The following IGSF10 variants were observed in gnomAD, a reference collection of about 807,000 sequenced individuals.
The protein encoded by IGSF10 is immunoglobulin superfamily member 10, also known as calvaria mechanical force protein 608.
Under a neutral mutation model 128.2 loss-of-function variants are expected in IGSF10, and 126 were observed. The ratio of observed to expected loss-of-function variants is 0.98; its 90% confidence interval spans 0.85 to 1.14. The LOEUF is 1.14. Ranked by LOEUF, IGSF10 falls within the 50% of genes most tolerant of loss-of-function variation. The probability of loss-of-function intolerance (pLI) is 0.00; values close to 1 mark genes in which losing one functional copy is unlikely to be tolerated. For synonymous variants in IGSF10, 1,185 were observed against 1,146.2 expected, an observed-to-expected ratio of 1.03 and a Z score of -0.68; for missense variants, 3,295 against 3,149.8, an observed-to-expected ratio of 1.05 and a Z score of -1.10.
chr3:151,487,006 G>GAC, the IGSF10 span, among the ~76,000 whole-genome samples: 4 of 119,040 alleles, frequency 3.4e-5, no homozygotes, highest in Non-Finnish European at 6.9e-5. Flanking sequence ...GAAGGAGATA[G>GAC]ACATGAAATA....
In IGSF10 at chr3:151,448,838, G is replaced by C; in HGVS notation, c.1143C>G (p.Tyr381Ter). ...IQPVWQILAL[Y>*]SDSPLILERS... ...TTTCTAGTATCAGAGGAGAATCACT[G>C]TACAAAGCCAAAATTTGCCACACTG... Residue 381 changes from tyrosine (Y) to a stop codon, truncating the protein, a stop_gained, in exon 6 of 8, where the codon TAC becomes TAG. Transcript: ENST00000282466. LOFTEE classifies it high-confidence loss of function. 6.2e-7 allele frequency: 1 copy of C among 1,613,966 alleles called. No individual in the cohort carries two copies. The highest frequency in any genetic ancestry group is 8.5e-7 in the Non-Finnish European group (1 of 1,179,828).
chr3:151,490,519 T>TA, the IGSF10 span, among the ~76,000 whole-genome samples: 5 of 147,538 alleles, frequency 3.4e-5, no homozygotes, highest in Non-Finnish European at 7.5e-5. Flanking sequence ...TTTTTTTTTT[T>TA]ACCAAAAAGA....
the IGSF10 span, among the ~76,000 whole-genome samples, chr3:151,509,105 A>T: frequency 6.6e-6 from 1 of 152,298 alleles, no homozygotes; most frequent in East Asian, 1.9e-4. Flanking sequence ...ACCCTGGAAA[A>T]CACTCTTGAA....
At chr3:151,460,820 C>A (rs377766704) in intron 1 of IGSF10, 126 bp downstream of exon 1, 2 of 600,850 alleles carry the variant, frequency 3.3e-6, no homozygotes, top group Non-Finnish European at 4.2e-6. Flanking sequence ...TTCCCTCCCC[C>A]ACCCTCAGCC....
At position 151,457,162 on chromosome 3, in the gene IGSF10, TA is replaced by T; in HGVS notation, c.195-8del. ...TCTAACCAAGCTGTTGTATCTGAAA[TA>T]AAAAATGACATTCTAGGCATAAGCT... On this transcript the variant is annotated splice_region_variant and splice_polypyrimidine_tract_variant and intron_variant, in intron 3 of 7. Coordinates refer to ENST00000282466, the MANE Select transcript of IGSF10 (RefSeq NM_178822.5). 1 of 1,613,484 alleles carries T rather than the reference TA, an allele frequency of 6.2e-7. No homozygotes were observed. The highest frequency in any genetic ancestry group is 2.2e-5 in the East Asian group (1 of 44,880).
chr3:151,604,462 C>T, the IGSF10 span, among the ~76,000 whole-genome samples: 1 of 151,776 alleles, frequency 6.6e-6, no homozygotes, highest in Non-Finnish European at 1.5e-5. Flanking sequence ...TAATCTTAAA[C>T]TTGATAAGCC....
chr3:151,520,947 T>A, the IGSF10 span, among the ~76,000 whole-genome samples: 9 of 72,250 alleles, frequency 1.2e-4, no homozygotes, highest in African/African-American at 1.6e-4. Context: ...CAATCTGGAT[T>A]AAAAAAAAAG....
At chr3:151,482,307 G>A in the IGSF10 span, among the ~76,000 whole-genome samples, 1 of 152,194 alleles carries the variant, frequency 6.6e-6, no homozygotes, top group East Asian at 1.9e-4. Flanking sequence ...AATGAAACCA[G>A]AAAAGGAATT....
chr3:151,611,532 A>G, the IGSF10 span, among the ~76,000 whole-genome samples: 1 of 152,216 alleles, frequency 6.6e-6, no homozygotes, highest in Non-Finnish European at 1.5e-5. Flanking sequence ...GAGAGCCAGA[A>G]CAAAAATAAT....
downstream of IGSF10, chr3:151,434,839 T>C (rs1388787369): frequency 6.6e-6 from 1 of 152,254 alleles, no homozygotes; most frequent in Non-Finnish European, 1.5e-5. Flanking sequence ...CTTTATACTT[T>C]GCAGAGGTGA....
At chr3:151,527,242 T>C in the IGSF10 span, among the ~76,000 whole-genome samples, 1 of 152,214 alleles carries the variant, frequency 6.6e-6, no homozygotes, top group Non-Finnish European at 1.5e-5. Context: ...CCTAACCTAA[T>C]AGGCCCATAC....
upstream of IGSF10, among the ~76,000 whole-genome samples, chr3:151,463,648 G>A (rs556262152): frequency 7.4e-6 from 1 of 135,940 alleles, no homozygotes; most frequent in East Asian, 2.3e-4. Flanking sequence ...CTGGGTTCAA[G>A]CAATTCTCCT....
chr3:151,444,851 C>G, intron 6 of IGSF10, 68 bp downstream of exon 6: 1 of 1,419,578 alleles, frequency 7.0e-7, no homozygotes, highest in Admixed American at 2.4e-5. Context: ...GATGTTTAAT[C>G]CCAAAACATA....
At chr3:151,567,168 T>C in the IGSF10 span, among the ~76,000 whole-genome samples, 2 of 152,192 alleles carry the variant, frequency 1.3e-5, no homozygotes, top group Non-Finnish European at 1.5e-5. Flanking sequence ...AGGAAGATTA[T>C]ATGCAGTTGA....
intron 5 of IGSF10, 48 bp from the exon 6 acceptor site, chr3:151,449,313 T>G: frequency 1.4e-6 from 2 of 1,459,410 alleles, no homozygotes; most frequent in Non-Finnish European, 1.8e-6. Flanking sequence ...TCTTTATGAA[T>G]TGACACAAAC....
At chr3:151,460,762 C>G (rs1399649167) in intron 1 of IGSF10, among the ~76,000 whole-genome samples, 184 bp downstream of exon 1, 1 of 151,886 alleles carries the variant, frequency 6.6e-6, no homozygotes, top group Non-Finnish European at 1.5e-5. Context: ...CACCAGTCAC[C>G]GAAGAATTGT....
the IGSF10 span, among the ~76,000 whole-genome samples, chr3:151,467,032 A>G: frequency 6.6e-6 from 1 of 152,138 alleles, no homozygotes; most frequent in African/African-American, 2.4e-5. Flanking sequence ...ATAGTCTTTC[A>G]TTGGTATGCA....
chr3:151,440,289 C>G (rs866317888), intron 7 of IGSF10, among the ~76,000 whole-genome samples: 1 of 152,218 alleles, frequency 6.6e-6, no homozygotes, highest in Non-Finnish European at 1.5e-5. Context: ...CTTGGTCTCC[C>G]AAAGTGCTGG....
chr3:151,581,311 T>C, the IGSF10 span, among the ~76,000 whole-genome samples: 56 of 152,188 alleles, frequency 3.7e-4, no homozygotes, highest in African/African-American at 1.3e-3. Context: ...TTTCTATTCA[T>C]ACCACAAGCC....
Sources: gnomAD v4.1 joint callset for allele counts (sites outside exome capture counted in the v4.1 genomes callset) on GRCh38, gnomAD v4.1.1 for gene constraint, MANE v1.5 for transcripts, NCBI Gene and HGNC (gene_info 2026-07-23, HGNC 2026-07-21) for gene names.